Variants in FER1L6 observed in about 807,000 individuals in gnomAD.
FER1L6 encodes the protein fer-1-like protein 6.
A neutral mutation model predicts 219.2 loss-of-function variants in FER1L6; 177 were observed. That is an observed-to-expected ratio of 0.81 (90% CI 0.71 to 0.91). The LOEUF is 0.91. Among genes scored for constraint, FER1L6 ranks in the 40% least tolerant of loss-of-function variants. The pLI, the probability that FER1L6 is intolerant of heterozygous loss-of-function variation, is 0.00. For synonymous variants in FER1L6, 768 were observed against 824.3 expected, an observed-to-expected ratio of 0.93 and a Z score of 1.17; for missense variants, 2,153 against 2,259.9, an observed-to-expected ratio of 0.95 and a Z score of 0.96.
chr8:123,863,656 G>T (rs1343374180), intron 1 of FER1L6, among the ~76,000 whole-genome samples: 1 of 143,856 alleles, frequency 7.0e-6, no homozygotes, highest in African/African-American at 2.7e-5. Flanking sequence ...TTATGAATCT[G>T]GGTGCTCCTG....
At chr8:123,920,275 G>T (rs1341700962) in intron 1 of FER1L6, among the ~76,000 whole-genome samples, 1 of 152,208 alleles carries the variant, frequency 6.6e-6, no homozygotes, top group East Asian at 1.9e-4. Flanking sequence ...CAATCAAGTG[G>T]ATGGGAAACG....
intron 1 of FER1L6, among the ~76,000 whole-genome samples, chr8:123,880,138 T>G (rs1817081104): frequency 6.6e-6 from 1 of 152,108 alleles, no homozygotes; most frequent in Non-Finnish European, 1.5e-5. Context: ...AAATTCCTCG[T>G]CGGCATCCCC....
chr8:123,892,098 C>T (rs1812657500), intron 1 of FER1L6, among the ~76,000 whole-genome samples: 1 of 152,042 alleles, frequency 6.6e-6, no homozygotes, highest in East Asian at 1.9e-4. Context: ...GAAATCTTAC[C>T]TTATGGTCAA....
intron 1 of FER1L6, among the ~76,000 whole-genome samples, chr8:123,883,297 A>T (rs1817143435): frequency 6.6e-6 from 1 of 152,190 alleles, no homozygotes; most frequent in Non-Finnish European, 1.5e-5. Context: ...GTTGAACTGA[A>T]TTCAGCTTTA....
intron 1 of FER1L6, among the ~76,000 whole-genome samples, chr8:123,947,652 C>T (rs1814561484): frequency 1.3e-5 from 2 of 152,130 alleles, no homozygotes; most frequent in Admixed American, 1.3e-4. Context: ...ACTGAGGGTA[C>T]ATATGTAAAC....
chr8:124,092,262 C>T (rs1822068225), intron 34 of FER1L6, among the ~76,000 whole-genome samples: 1 of 152,104 alleles, frequency 6.6e-6, no homozygotes, highest in Non-Finnish European at 1.5e-5. Context: ...CATTTACTCA[C>T]ATTGTATTCT....
chr8:123,910,672 T>C (rs913309379), intron 1 of FER1L6, among the ~76,000 whole-genome samples: 6 of 151,440 alleles, frequency 4.0e-5, no homozygotes, highest in Non-Finnish European at 8.8e-5. Flanking sequence ...AAAACAGAGG[T>C]CCTCCAAAAC....
At chr8:123,882,087 A>C (rs933940512) in intron 1 of FER1L6, among the ~76,000 whole-genome samples, 3 of 152,232 alleles carry the variant, frequency 2.0e-5, no homozygotes, top group Non-Finnish European at 4.4e-5. Flanking sequence ...CTTTAGGGGA[A>C]CCAAAGAAAG....
intron 1 of FER1L6, among the ~76,000 whole-genome samples, chr8:123,873,935 G>A (rs985301117): frequency 2.6e-5 from 4 of 152,040 alleles, no homozygotes; most frequent in Non-Finnish European, 5.9e-5. Context: ...TGGTCTGATC[G>A]TCTTCTCACT....
intron 1 of FER1L6, among the ~76,000 whole-genome samples, chr8:123,903,723 G>T (rs1373669783): frequency 6.6e-6 from 1 of 152,076 alleles, no homozygotes; most frequent in African/African-American, 2.4e-5. Flanking sequence ...ACATTTAAGG[G>T]CAATATGGAC....
chr8:123,904,224 TTGTGTGTGTGTG>T (rs56224402), intron 1 of FER1L6, among the ~76,000 whole-genome samples: 29 of 139,482 alleles, frequency 2.1e-4, no homozygotes, highest in Non-Finnish European at 3.1e-4. Context: ...CTCTGTATAT[TTGTGTGTGTGTG>T]TGTGTGTGTG....
intron 16 of FER1L6, among the ~76,000 whole-genome samples, chr8:124,020,022 G>A (rs1426087925): frequency 6.6e-6 from 1 of 152,132 alleles, no homozygotes; most frequent in East Asian, 1.9e-4. Flanking sequence ...GAGCTCTCAC[G>A]TGTTGTGGGA....
chr8:123,924,075 C>T (rs1031090694), intron 1 of FER1L6, among the ~76,000 whole-genome samples: 5 of 149,928 alleles, frequency 3.3e-5, no homozygotes, highest in Non-Finnish European at 7.4e-5. Context: ...ACCAACATGG[C>T]GAACCCCGTC....
chr8:123,855,364 T>C (rs914775918), intron 1 of FER1L6, among the ~76,000 whole-genome samples: 1 of 152,156 alleles, frequency 6.6e-6, no homozygotes, highest in African/African-American at 2.4e-5. Context: ...GATTTTTTGC[T>C]GTGTCCTCTG....
intron 12 of FER1L6, among the ~76,000 whole-genome samples, chr8:123,996,782 CT>C (rs1280051851): frequency 6.6e-6 from 1 of 151,914 alleles, no homozygotes; most frequent in Non-Finnish European, 1.5e-5. Context: ...TTTTGTGCAT[CT>C]GTTGTATGTT....
At chr8:123,942,092 T>C (rs541580492) in intron 1 of FER1L6, among the ~76,000 whole-genome samples, 3 of 152,310 alleles carry the variant, frequency 2.0e-5, no homozygotes, top group African/African-American at 7.2e-5. Context: ...CATGTCTTTT[T>C]ATGATACATA....
At chr8:123,970,408 T>C (rs187628687) in intron 6 of FER1L6, among the ~76,000 whole-genome samples, 2 of 152,258 alleles carry the variant, frequency 1.3e-5, no homozygotes, top group African/African-American at 2.4e-5. Flanking sequence ...TCTTAATGCA[T>C]TGTCAGTTTT....
At chr8:124,074,885 G>T (rs1228419490) in intron 31 of FER1L6, among the ~76,000 whole-genome samples, 1 of 152,020 alleles carries the variant, frequency 6.6e-6, no homozygotes, top group Non-Finnish European at 1.5e-5. Context: ...TTAACACAAT[G>T]GTATTTGTGT....
At position 124,086,338 on chromosome 8, in the gene FER1L6, TTTTATTTTTTGTG is replaced by T. The variant is rs1821783361; in HGVS notation, c.4391+3882_4391+3894del. 2.0e-5 allele frequency among the ~76,000 whole-genome samples: 3 copies of T among 152,280 alleles called. No homozygotes were observed. In the East Asian group the frequency reaches 5.8e-4, roughly 29 times the overall value. On this transcript the variant is annotated intron_variant, in intron 33 of 40. Transcript: ENST00000522917. ...GGTGGTATGTTTTAATTTCTTGCTT[TTTTATTTTTTGTG>T]TATCTGTTGTATGTGTTTTTATTTG...
Sources: gnomAD v4.1 joint callset for allele counts (sites outside exome capture counted in the v4.1 genomes callset) on GRCh38, gnomAD v4.1.1 for gene constraint, MANE v1.5 for transcripts, NCBI Gene and HGNC (gene_info 2026-07-23, HGNC 2026-07-21) for gene names.